The following TSFM variants were observed in gnomAD, a reference collection of about 807,000 sequenced individuals.
TSFM encodes the protein Ts translation elongation factor, mitochondrial.
TSFM carries 29 observed loss-of-function variants against 33.4 expected under a neutral mutation model. The observed-to-expected ratio is 0.87, with a 90% CI of 0.65 to 1.18. The LOEUF is 1.18. Ranked by LOEUF, TSFM falls within the 50% of genes most tolerant of loss-of-function variation. The probability of loss-of-function intolerance (pLI) is 0.00; values close to 1 mark genes in which losing one functional copy is unlikely to be tolerated. For missense variants in TSFM, 394 were observed against 395.6 expected (o/e 1.00, Z 0.04); for synonymous variants, 178 against 163.5 (o/e 1.09, Z -0.68).
chr12:57,786,061 T>C, intron 2 of TSFM, 102 bp from the exon 3 acceptor site: 1 of 1,351,568 alleles, frequency 7.4e-7, no homozygotes, highest in Non-Finnish European at 9.7e-7. Context: ...TAGTTTCTGT[T>C]AGAGAATTTA....
At chr12:57,794,093 A>G (rs1955699621) in intron 5 of TSFM, among the ~76,000 whole-genome samples, 1 of 152,190 alleles carries the variant, frequency 6.6e-6, no homozygotes, top group East Asian at 1.9e-4. Flanking sequence ...CGTTTTTATC[A>G]GGTCATCTTG....
In TSFM at chr12:57,797,026, C is replaced by T; in HGVS notation, c.*443C>T. ...TTTCTTTAGGATTATTGATTCAAAC[C>T]TAGAGTTGTCTGGAAAATGTGGGTT... On this transcript the variant is annotated 3_prime_UTR_variant, in exon 6 of 6. Coordinates refer to ENST00000652027, the MANE Select transcript of TSFM (RefSeq NM_005726.6). 2 of 985,724 alleles carry T rather than the reference C, an allele frequency of 2.0e-6. No individual in the cohort carries two copies. The highest frequency in any genetic ancestry group is 2.4e-6 in the Non-Finnish European group (2 of 830,158). The allele number at this position is 985,724 out of a possible 1,614,324, so 61.1% of individuals were successfully genotyped here.
rs761634911 is a variant in TSFM at position 57,783,091 on chromosome 12, C to G, written c.58-19C>G. The G allele has an allele frequency of 1.3e-6, 2 of 1,598,302 alleles. No homozygotes were observed. The highest frequency in any genetic ancestry group is 1.7e-6 in the Non-Finnish European group (2 of 1,174,012). ...AGTTTGCTGCTTCCTGCTCCTCATCCCTTTCTTATCTCATCTAGGCTGGGT... is the reference window on the plus strand; with the variant it reads ...AGTTTGCTGCTTCCTGCTCCTCATCGCTTTCTTATCTCATCTAGGCTGGGT... On this transcript the variant is annotated intron_variant, in intron 1 of 5. Transcript: ENST00000652027.
In TSFM at chr12:57,783,176, G is replaced by A; in HGVS notation, c.124G>A (p.Ala42Thr). ...ATTTTATGCTGGGCCCCGTCTGTCT[G>A]CCTCGGCCTCCAGCAAGGAGCTCCT... ...HTFYAGPRLS[A>T]SASSKELLMK... Residue 42 changes from alanine to threonine, a missense_variant, in exon 2 of 6, where the codon GCC becomes ACC. Around this residue, in one of 3 missense-constraint regions of TSFM, gnomAD observed 208 missense variants for 180.4 expected, o/e 1.15. Transcript: ENST00000652027. 1 of 1,613,530 alleles carries A rather than the reference G, an allele frequency of 6.2e-7. No individual in the cohort carries two copies. The highest frequency in any genetic ancestry group is 8.5e-7 in the Non-Finnish European group (1 of 1,179,900).
downstream of TSFM, among the ~76,000 whole-genome samples, chr12:57,799,248 G>A (rs1047283675): frequency 6.6e-6 from 1 of 152,198 alleles, no homozygotes; most frequent in Non-Finnish European, 1.5e-5. Flanking sequence ...ACGAACACTA[G>A]CAAGTGTAAA....
intron 5 of TSFM, among the ~76,000 whole-genome samples, chr12:57,795,185 G>T (rs1284486815): frequency 9.9e-5 from 15 of 150,852 alleles, no homozygotes; most frequent in African/African-American, 3.7e-4. Flanking sequence ...TGTAACCTCT[G>T]CTGCCCAGGT....
At chr12:57,802,301 A>C (rs1397868743), downstream of TSFM, 3 of 1,613,484 alleles carry the variant, frequency 1.9e-6, no homozygotes, top group Non-Finnish European at 2.5e-6. Flanking sequence ...TGGCAAGGGC[A>C]CTCTCCTTCT....
At chr12:57,801,262 G>A (rs1186598829), downstream of TSFM, 2 of 1,496,544 alleles carry the variant, frequency 1.3e-6, no homozygotes, top group Non-Finnish European at 1.9e-6. Context: ...TTATAGGGGA[G>A]GGACATCTTA....
downstream of TSFM, chr12:57,802,087 C>A: frequency 1.3e-6 from 2 of 1,528,074 alleles, no homozygotes; most frequent in Non-Finnish European, 1.8e-6. Flanking sequence ...AATCAGTACT[C>A]CACCTTCCTG....
chr12:57,786,954 G>A lies in TSFM; in HGVS notation c.361-86G>A. On this transcript the variant is annotated intron_variant, in intron 3 of 5. Coordinates refer to ENST00000652027, the MANE Select transcript of TSFM (RefSeq NM_005726.6). Reference sequence around the variant, plus strand: ...GTTGAGTCTGTAGCTTGTTCTATCAGTATCTTGATTTATTCTCCAGCCTTA... The same window carrying A: ...GTTGAGTCTGTAGCTTGTTCTATCAATATCTTGATTTATTCTCCAGCCTTA... 2.1e-6 allele frequency: 3 copies of A among 1,425,904 alleles called. No individual in the cohort carries two copies. The South Asian group carries it at 4.2e-5, about 20-fold the overall frequency. 88.3% of individuals were successfully genotyped at this position (1,425,904 alleles called of 1,614,324 possible).
At chr12:57,802,121 C>G (rs1955860591), downstream of TSFM, 1 of 1,605,086 alleles carries the variant, frequency 6.2e-7, no homozygotes, top group African/African-American at 1.3e-5. Flanking sequence ...TCTGAGCTAC[C>G]TGGCAGGAAG....
downstream of TSFM, among the ~76,000 whole-genome samples, chr12:57,798,537 A>C (rs530566250): frequency 6.6e-6 from 1 of 152,306 alleles, no homozygotes; most frequent in East Asian, 1.9e-4. Context: ...TTGACTAGAT[A>C]AGACATTGTG....
rs150901466 is a variant in TSFM, at chr12:57,796,451, G to A, written c.846G>A (p.Lys282=). ...DDEPGGEAET[K]MLSQPYLLDP... Reference sequence around the variant, plus strand: ...AGCCTGGGGGAGAGGCAGAGACTAAGATGCTGTCCCAGCCGTATTTGCTGG... The same window carrying A: ...AGCCTGGGGGAGAGGCAGAGACTAAAATGCTGTCCCAGCCGTATTTGCTGG... The change falls in exon 6 of 6, where the codon AAG becomes AAA. Residue 282 remains lysine, a synonymous_variant. Transcript: ENST00000652027. 1 of 1,598,210 alleles carries A rather than the reference G, an allele frequency of 6.3e-7. No individual in the cohort carries two copies. The highest frequency in any genetic ancestry group is 8.5e-7 in the Non-Finnish European group (1 of 1,171,720).
chr12:57,783,909 C>T lies in TSFM; in HGVS notation c.231+626C>T. ...GGGATTACAGGAGTGAGCCACCGCG[C>T]CCGGCTGACTTTAGACATCTTAATC... On this transcript the variant is annotated intron_variant, in intron 2 of 5. Transcript: ENST00000652027. 4 of 701,338 alleles carry T rather than the reference C, an allele frequency of 5.7e-6. No individual in the cohort carries two copies. The East Asian group carries it at 1.1e-4, about 19-fold the overall frequency. The allele number at this position is 701,338 out of a possible 1,614,324, so 43.4% of individuals were successfully genotyped here. A position where few individuals can be genotyped will look rare whatever the true frequency, so the allele number is the denominator to read the frequency against.
chr12:57,783,000 A>T, intron 1 of TSFM, 110 bp from the exon 2 acceptor site: 1 of 1,483,198 alleles, frequency 6.7e-7, no homozygotes, highest in Admixed American at 2.1e-5. Context: ...GCCCCGGTGC[A>T]CCCCCCTTTG....
chr12:57,783,070 T>G, intron 1 of TSFM, 40 bp from the exon 2 acceptor site: 1 of 1,582,016 alleles, frequency 6.3e-7, no homozygotes. Context: ...CTCTGGAGTT[T>G]GCTGCTTCCT....
intron 4 of TSFM, among the ~76,000 whole-genome samples, chr12:57,788,565 C>G (rs1327428056): frequency 6.6e-6 from 1 of 152,174 alleles, no homozygotes; most frequent in African/African-American, 2.4e-5. Flanking sequence ...GCGTGAGCCA[C>G]CATGCCTGGC....
At chr12:57,802,694 C>CT (rs1955875020), downstream of TSFM, 1 of 617,530 alleles carries the variant, frequency 1.6e-6, no homozygotes, top group Non-Finnish European at 2.9e-6. Context: ...AAACTTGTAT[C>CT]TGAGTCTCCA....
intron 2 of TSFM, chr12:57,783,596 C>CTT (rs5798416): frequency 5.5e-4 from 272 of 494,540 alleles, no homozygotes; most frequent in Middle Eastern, 1.3e-3. Context: ...TGACTTTAGA[C>CTT]TTTTTTTTTT....
Sources: gnomAD v4.1 joint callset for allele counts (sites outside exome capture counted in the v4.1 genomes callset) on GRCh38, gnomAD v4.1.1 for gene constraint, gnomAD v4.1.1 regional missense constraint, MANE v1.5 for transcripts, NCBI Gene and HGNC (gene_info 2026-07-23, HGNC 2026-07-21) for gene names.